Variants in NOTCH2NLC observed in about 807,000 individuals in gnomAD.
NOTCH2NLC encodes notch homolog 2 N-terminal-like protein C.
In NOTCH2NLC, 4 loss-of-function variants were observed where a neutral mutation model predicts 17.7. That is an observed-to-expected ratio of 0.23 (90% confidence interval 0.11 to 0.52). The LOEUF (loss-of-function observed/expected upper bound fraction) is 0.52, where lower values mean the gene tolerates loss of function less well. NOTCH2NLC is among the 20% of genes least tolerant of loss of function. NOTCH2NLC has a pLI of 0.96. For missense variants in NOTCH2NLC, 57 were observed against 207.2 expected, an observed-to-expected ratio of 0.28 and a Z score of 4.45; for synonymous variants, 18 against 86.0, an observed-to-expected ratio of 0.21 and a Z score of 4.38.
At chr1:149,433,411 C>T (rs2084464449) in intron 2 of NOTCH2NLC, among the ~76,000 whole-genome samples, 1 of 149,768 alleles carries the variant, frequency 6.7e-6, no homozygotes, top group Non-Finnish European at 1.5e-5. Context: ...CAAACCTGCA[C>T]ATTCTGCACA....
At chr1:149,433,820 C>T (rs2084467498) in intron 2 of NOTCH2NLC, among the ~76,000 whole-genome samples, 4 of 150,810 alleles carry the variant, frequency 2.7e-5, no homozygotes, top group Admixed American at 2.0e-4. Flanking sequence ...TGGTGGCACG[C>T]ACCTGTAATC....
intron 1 of NOTCH2NLC, among the ~76,000 whole-genome samples, chr1:149,413,281 G>C (rs1260863225): frequency 2.6e-5 from 4 of 150,990 alleles, no homozygotes; most frequent in African/African-American, 9.7e-5. Context: ...AAGTGCACCT[G>C]GAAATGCCTG....
chr1:149,405,097 GTTAAC>G lies in NOTCH2NLC; in HGVS notation c.135+14180_135+14184del, dbSNP rs1239887970. Among the ~76,000 whole-genome samples the G allele has an allele frequency of 1.7e-4, 26 of 150,540 alleles. 1 individual carries two copies. The Middle Eastern group carries it at 0.014, about 79-fold the overall frequency. ...TATGGAATATGTAAATGGTCCATATGTTAACTTAAATACCCTTAAAATATTTTCCA... is the reference window on the plus strand; with the variant it reads ...TATGGAATATGTAAATGGTCCATATGTTAAATACCCTTAAAATATTTTCCA... On this transcript the variant is annotated intron_variant, in intron 1 of 4. Coordinates refer to ENST00000650865, the MANE Select transcript of NOTCH2NLC (RefSeq NM_001364013.2).
At chr1:149,448,751 A>G (rs1305289868) in intron 2 of NOTCH2NLC, among the ~76,000 whole-genome samples, 1 of 147,634 alleles carries the variant, frequency 6.8e-6, no homozygotes, top group Non-Finnish European at 1.5e-5. Context: ...TTTGAGCCTC[A>G]CTTTTTAAAG....
Position 149,471,775 on chromosome 1 carries a change from T to A in NOTCH2NLC, c.*7622T>A, listed in dbSNP as rs2084721902. Among the ~76,000 whole-genome samples the A allele has an allele frequency of 6.9e-6, 1 of 145,856 alleles. No homozygotes were observed. The highest frequency in any genetic ancestry group is 1.5e-5 in the Non-Finnish European group (1 of 66,396). On this transcript the variant is annotated 3_prime_UTR_variant, in exon 5 of 5. Transcript: ENST00000650865. ...TGCTTAAAAATGGTGATTTTTGTGA[T>A]ATATGAATTATACTATGGAACTAAT...
rs1170833011 is a variant in NOTCH2NLC, at chr1:149,466,246, A to ATGTGTGTGTGTG, written c.*2112_*2123dup. ...CAAATAGTACTTGTTACATATCAAT[A>ATGTGTGTGTGTG]TGTGTGTGTGTGTGTGTGTGTGTGT... On this transcript the variant is annotated 3_prime_UTR_variant, in exon 5 of 5. Coordinates refer to ENST00000650865, the MANE Select transcript of NOTCH2NLC (RefSeq NM_001364013.2). The ATGTGTGTGTGTG allele has an allele frequency of 7.5e-6, 1 of 133,126 alleles. No individual in the cohort carries two copies. Among genetic ancestry groups the ATGTGTGTGTGTG allele is most frequent in the African/African-American group, 2.8e-5 (1 of 36,068 alleles). The allele number at this position is 133,126 out of a possible 1,614,324, so 8.2% of individuals were successfully genotyped here.
At chr1:149,424,971 A>C (rs2084404953) in intron 1 of NOTCH2NLC, among the ~76,000 whole-genome samples, 1 of 151,378 alleles carries the variant, frequency 6.6e-6, no homozygotes, top group Non-Finnish European at 1.5e-5. Flanking sequence ...ACCTCCCAGT[A>C]GGCCCCACCT....
rs2084400666 is a variant in NOTCH2NLC, at chr1:149,424,528, T to C, written c.136-6414T>C. Among the ~76,000 whole-genome samples the C allele has an allele frequency of 2.0e-5, 3 of 151,072 alleles. No individual in the cohort carries two copies. The South Asian group carries it at 6.3e-4, about 32-fold the overall frequency. On this transcript the variant is annotated intron_variant, in intron 1 of 4. Coordinates refer to ENST00000650865, the MANE Select transcript of NOTCH2NLC (RefSeq NM_001364013.2). The stretch of plus-strand genomic sequence containing the variant: ...AGGGGACAATGCTGACAGTAGTTTC[T>C]TGACAAATATTAGTGGAACTGTATT...
chr1:149,446,663 A>T (rs1251506207), intron 2 of NOTCH2NLC, among the ~76,000 whole-genome samples: 1 of 136,332 alleles, frequency 7.3e-6, no homozygotes, highest in Non-Finnish European at 1.6e-5. Context: ...AGTCATAAAT[A>T]TATCTTTATG....
intron 1 of NOTCH2NLC, among the ~76,000 whole-genome samples, chr1:149,424,432 T>A (rs1223013469): frequency 2.7e-5 from 4 of 150,534 alleles, no homozygotes; most frequent in African/African-American, 9.8e-5. Flanking sequence ...CAACTTCTCA[T>A]TAGATTGTAA....
intron 1 of NOTCH2NLC, among the ~76,000 whole-genome samples, chr1:149,419,715 T>G (rs2084367840): frequency 6.7e-6 from 1 of 150,160 alleles, no homozygotes; most frequent in South Asian, 2.1e-4. Context: ...TCAAATATCA[T>G]TAAGTACCCA....
chr1:149,463,067 C>G (rs1223917662), intron 3 of NOTCH2NLC, among the ~76,000 whole-genome samples: 6 of 149,902 alleles, frequency 4.0e-5, no homozygotes, highest in South Asian at 2.1e-4. Context: ...AACTCCTTAC[C>G]TCATGATCTG....
At chr1:149,424,578 A>G (rs1288842574) in intron 1 of NOTCH2NLC, among the ~76,000 whole-genome samples, 3 of 150,778 alleles carry the variant, frequency 2.0e-5, no homozygotes, top group Non-Finnish European at 4.4e-5. Context: ...GCTCACATAT[A>G]TTGTTTATTT....
At position 149,429,946 on chromosome 1, in the gene NOTCH2NLC, A is replaced by T. The variant is rs1220994929; in HGVS notation, c.136-996A>T. 2.6e-4 allele frequency among the ~76,000 whole-genome samples: 39 copies of T among 151,072 alleles called. No individual in the cohort carries two copies. In the Middle Eastern group the frequency reaches 0.014, roughly 53 times the overall value. On this transcript the variant is annotated intron_variant, in intron 1 of 4. Transcript: ENST00000650865. ...GCTTCAATTTGATATTTATTGTTTG[A>T]CTAGGTTTCTTTCTGTCTTACCTTT...
intron 3 of NOTCH2NLC, among the ~76,000 whole-genome samples, chr1:149,461,661 T>C (rs2084650643): frequency 1.3e-5 from 2 of 151,424 alleles, no homozygotes; most frequent in African/African-American, 4.8e-5. Context: ...TAAATCGTGC[T>C]GCTATAAAGA....
At chr1:149,449,171 G>A (rs1158695863) in intron 2 of NOTCH2NLC, among the ~76,000 whole-genome samples, 2 of 150,884 alleles carry the variant, frequency 1.3e-5, no homozygotes, top group Admixed American at 6.6e-5. Flanking sequence ...GTGAGCCACC[G>A]CACCTGGCCT....
At chr1:149,463,045 G>A (rs2084659497) in intron 3 of NOTCH2NLC, among the ~76,000 whole-genome samples, 3 of 148,528 alleles carry the variant, frequency 2.0e-5, no homozygotes, top group African/African-American at 4.9e-5. Context: ...CATATTGGCC[G>A]GGCTGGTCTT....
At chr1:149,429,596 C>T (rs2084432480) in intron 1 of NOTCH2NLC, among the ~76,000 whole-genome samples, 1 of 151,160 alleles carries the variant, frequency 6.6e-6, no homozygotes, top group African/African-American at 2.4e-5. Context: ...ATTACTATTA[C>T]CATTTAAAAA....
Position 149,423,311 on chromosome 1 carries a change from G to A in NOTCH2NLC, c.136-7631G>A, listed in dbSNP as rs1198418468. 1.1e-3 allele frequency among the ~76,000 whole-genome samples: 165 copies of A among 150,148 alleles called. 5 individuals carry two copies. The highest frequency in any genetic ancestry group is 2.3e-3 in the African/African-American group (95 of 40,936). ...AGGAAGACAGATGTTTCTCCGCTTC[G>A]TTTTTATTTAAATGTACCACTTGGG... On this transcript the variant is annotated intron_variant, in intron 1 of 4. Coordinates refer to ENST00000650865, the MANE Select transcript of NOTCH2NLC (RefSeq NM_001364013.2).
Sources: allele counts gnomAD v4.1 joint callset (sites outside exome capture counted in the v4.1 genomes callset), GRCh38; gene constraint gnomAD v4.1.1; transcripts MANE v1.5; gene names NCBI Gene and HGNC (gene_info 2026-07-23, HGNC 2026-07-21).